Variants in CAPNS1 observed in about 807,000 individuals in gnomAD.
CAPNS1 encodes the protein CANP small subunit.
Under a neutral mutation model 39.2 loss-of-function variants are expected in CAPNS1, and 32 were observed. The observed-to-expected ratio is 0.82, with a 90% CI of 0.62 to 1.10. The LOEUF is 1.10. Ranked by LOEUF, CAPNS1 falls within the 50% of genes least tolerant of loss-of-function variation. The pLI, the probability that CAPNS1 is intolerant of heterozygous loss-of-function variation, is 0.00. For synonymous variants in CAPNS1, 153 were observed against 136.2 expected, an observed-to-expected ratio of 1.12 and a Z score of -0.86; for missense variants, 353 against 373.1, an observed-to-expected ratio of 0.95 and a Z score of 0.44.
chr19:36,141,379 C>A, intron 2 of CAPNS1, 159 bp downstream of exon 2: 2 of 1,346,292 alleles, frequency 1.5e-6, no homozygotes, highest in Non-Finnish European at 1.9e-6. Flanking sequence ...GAGAGTTCTG[C>A]TGTAAGGGGG....
intron 6 of CAPNS1, among the ~76,000 whole-genome samples, chr19:36,143,766 A>G (rs1168969679): frequency 1.4e-5 from 2 of 145,892 alleles, no homozygotes; most frequent in Admixed American, 6.9e-5. Flanking sequence ...GGGAGGCTGA[A>G]GCAGGAGAAT....
At chr19:36,142,384 G>C in intron 3 of CAPNS1, 51 bp downstream of exon 3, 1 of 959,232 alleles carries the variant, frequency 1.0e-6, no homozygotes, top group Non-Finnish European at 1.6e-6. Flanking sequence ...GCCTCTTCGA[G>C]GTCCCATCCC....
At chr19:36,141,382 T>C in intron 2 of CAPNS1, 162 bp downstream of exon 2, 1 of 1,345,012 alleles carries the variant, frequency 7.4e-7, no homozygotes, top group Non-Finnish European at 9.5e-7. Flanking sequence ...AGTTCTGCTG[T>C]AAGGGGGTGG....
intron 2 of CAPNS1, 116 bp downstream of exon 2, chr19:36,141,336 G>A: frequency 7.2e-7 from 1 of 1,385,652 alleles, no homozygotes; most frequent in Non-Finnish European, 9.3e-7. Flanking sequence ...AGGCTAACCT[G>A]GGTACATGAA....
In CAPNS1 at chr19:36,141,152, CGGT is replaced by C. The variant is rs747187044; in HGVS notation, c.147_149del (p.Gly56del). The C allele has an allele frequency of 2.2e-5, 29 of 1,317,670 alleles. No homozygotes were observed. The highest frequency in any genetic ancestry group is 3.2e-5 in the East Asian group (1 of 31,312). 81.6% of individuals were successfully genotyped at this position (1,317,670 alleles called of 1,614,324 possible). On this transcript the variant is annotated inframe_deletion, in exon 2 of 11. Coordinates refer to ENST00000246533, the MANE Select transcript of CAPNS1 (RefSeq NM_001749.4). The stretch of plus-strand genomic sequence containing the variant: ...GCGGCGGCGGCGGCGGCGGCGGCGG[CGGT>C]GGTGGAGGCGGCGGTGGCGGTGGAA...
Position 36,149,642 on chromosome 19 carries a change from G to T in CAPNS1, c.780+6G>T. Reference sequence around the variant, plus strand: ...TCCAGGTGAACATCCAGGAGGTAAGGACCCCCATATTGGGGTATGGGTGCC... The same window carrying T: ...TCCAGGTGAACATCCAGGAGGTAAGTACCCCCATATTGGGGTATGGGTGCC... On this transcript the variant is annotated splice_donor_region_variant and intron_variant, in intron 10 of 10. Transcript: ENST00000246533. 6.4e-7 allele frequency: 1 copy of T among 1,574,786 alleles called. No individual in the cohort carries two copies. Among genetic ancestry groups the T allele is most frequent in the Non-Finnish European group, 8.6e-7 (1 of 1,160,398 alleles).
intron 6 of CAPNS1, chr19:36,144,207 AT>A (rs1974487353): frequency 1.3e-5 from 2 of 151,292 alleles, no homozygotes; most frequent in South Asian, 4.2e-4. Flanking sequence ...AAAAAGAAAA[AT>A]AACAATAACA....
Position 36,142,677 on chromosome 19 carries a change from T to C in CAPNS1, c.269T>C (p.Ile90Thr), listed in dbSNP as rs761900601. 17 of 1,613,998 alleles carry C rather than the reference T, an allele frequency of 1.1e-5. No individual in the cohort carries two copies. Among genetic ancestry groups the C allele is most frequent in the African/African-American group, 5.3e-5 (4 of 74,908 alleles). ...CCCCCACGCACACATTACTCCAACA[T>C]TGAGGCCAACGAGAGTGAGGAGGTC... Reference protein sequence around the residue: ...PPPPRTHYSNIEANESEEVRQ... With the variant: ...PPPPRTHYSNTEANESEEVRQ... Residue 90 changes from isoleucine to threonine, a missense_variant, in exon 4 of 11, where the codon ATT (isoleucine) becomes ACT (threonine). Physicochemically the swap from Ile to Thr is moderately conservative, Grantham distance 89 (BLOSUM62 -1). Coordinates refer to ENST00000246533, the MANE Select transcript of CAPNS1 (RefSeq NM_001749.4).
chr19:36,140,886 C>G, intron 1 of CAPNS1, 111 bp from the exon 2 acceptor site: 1 of 1,532,268 alleles, frequency 6.5e-7, no homozygotes, highest in Non-Finnish European at 8.8e-7. Context: ...ACTCAGACCC[C>G]CACCCGGAGG....
At chr19:36,142,468 T>A in intron 3 of CAPNS1, 135 bp downstream of exon 3, 1 of 687,498 alleles carries the variant, frequency 1.5e-6, no homozygotes, top group South Asian at 1.7e-5. Flanking sequence ...ATGCCGTGTC[T>A]GCAGCTTCGC....
intron 6 of CAPNS1, 147 bp from the exon 7 acceptor site, chr19:36,145,659 C>T (rs1391804634): frequency 2.8e-5 from 17 of 608,392 alleles, no homozygotes; most frequent in East Asian, 1.7e-4. Flanking sequence ...AAAATAAAAC[C>T]GCACACCAGG....
rs536204782 is a variant in CAPNS1 at position 36,148,689 on chromosome 19, T to C, written c.722-889T>C. ...TTAGCCAGGCGTGGTGGTGCACGCC[T>C]GTAGTCCCAGCTACTCAGGAGGCTG... On this transcript the variant is annotated intron_variant, in intron 9 of 10. Transcript: ENST00000246533. 2.0e-5 allele frequency among the ~76,000 whole-genome samples: 3 copies of C among 152,042 alleles called. No individual in the cohort carries two copies. In the South Asian group the frequency reaches 6.2e-4, roughly 32 times the overall value.
At chr19:36,147,059 T>A (rs947688269) in intron 9 of CAPNS1, among the ~76,000 whole-genome samples, 17 of 152,264 alleles carry the variant, frequency 1.1e-4, no homozygotes, top group African/African-American at 4.1e-4. Flanking sequence ...TTGCCCAGGC[T>A]GGTCTTGAAC....
chr19:36,144,408 C>T (rs1255682087), intron 6 of CAPNS1, among the ~76,000 whole-genome samples: 1 of 152,074 alleles, frequency 6.6e-6, no homozygotes, highest in African/African-American at 2.4e-5. Context: ...GCCACATGCG[C>T]ATATACACAC....
intron 10 of CAPNS1, 24 bp downstream of exon 10, chr19:36,149,660 T>C (rs751275273): frequency 6.3e-7 from 1 of 1,588,720 alleles, no homozygotes; most frequent in Admixed American, 1.8e-5. Flanking sequence ...TATTGGGGTA[T>C]GGGTGCCTGG....
intron 9 of CAPNS1, among the ~76,000 whole-genome samples, chr19:36,147,502 C>A (rs1359051229): frequency 6.6e-6 from 1 of 152,078 alleles, no homozygotes; most frequent in East Asian, 1.9e-4. Flanking sequence ...CACGGTGGCT[C>A]ACGCCTGTAA....
At chr19:36,144,524 A>G (rs1365970703) in intron 6 of CAPNS1, among the ~76,000 whole-genome samples, 1 of 152,270 alleles carries the variant, frequency 6.6e-6, no homozygotes, top group East Asian at 1.9e-4. Flanking sequence ...GATCTTGGAT[A>G]CATGCATATT....
intron 2 of CAPNS1, 34 bp downstream of exon 2, chr19:36,141,254 G>A (rs17879310): frequency 2.7e-6 from 4 of 1,501,470 alleles, no homozygotes; most frequent in African/African-American, 1.5e-5. Flanking sequence ...GCGGGGCCTG[G>A]GAATGGGAGG....
At position 36,141,114 on chromosome 19, in the gene CAPNS1, G is replaced by A; in HGVS notation, c.103G>A (p.Gly35Arg). 1 of 1,382,014 alleles carries A rather than the reference G, an allele frequency of 7.2e-7. No individual in the cohort carries two copies. Among genetic ancestry groups the A allele is most frequent in the Non-Finnish European group, 9.4e-7 (1 of 1,068,152 alleles). 85.6% of individuals were successfully genotyped at this position (1,382,014 alleles called of 1,614,324 possible). The stretch of plus-strand genomic sequence containing the variant: ...AAATGTGCTTGGAGGCCTGATCAGC[G>A]GGGCCGGGGGCGGCGGCGGCGGCGG... Reference protein sequence around the residue: ...LGNVLGGLISGAGGGGGGGGG... With the variant: ...LGNVLGGLISRAGGGGGGGGG... The change falls in exon 2 of 11, where the codon GGG becomes AGG. Residue 35 changes from glycine to arginine, a missense_variant. Coordinates refer to ENST00000246533, the MANE Select transcript of CAPNS1 (RefSeq NM_001749.4).
Sources: gnomAD v4.1 joint callset for allele counts (sites outside exome capture counted in the v4.1 genomes callset) on GRCh38, gnomAD v4.1.1 for gene constraint, MANE v1.5 for transcripts, NCBI Gene and HGNC (gene_info 2026-07-23, HGNC 2026-07-21) for gene names.